Variants in TRPV5 observed in about 807,000 individuals in gnomAD.
TRPV5 encodes the protein transient receptor potential cation channel subfamily V member 5, also known as calcium transport protein 2.
TRPV5 carries 66 observed loss-of-function variants against 74.1 expected under a neutral mutation model. The ratio of observed to expected loss-of-function variants is 0.89; its 90% CI spans 0.73 to 1.09. The LOEUF (loss-of-function observed/expected upper bound fraction) is 1.09, where lower values mean the gene tolerates loss of function less well. Among genes scored for constraint, TRPV5 ranks in the 50% least tolerant of loss-of-function variants. The pLI is 0.00. For missense variants in TRPV5, 936 were observed against 930.4 expected (o/e 1.01, Z -0.08); for synonymous variants, 399 against 360.7 (o/e 1.11, Z -1.20).
rs1228152861 is a variant in TRPV5 at position 142,915,534 on chromosome 7, A to C, written c.1157T>G (p.Leu386Arg). ...AACGATGCTCACCAGCTCCCCCACCAGCCTGATGATATCTTCACGTGTCTC... is the reference window on the plus strand; with the variant it reads ...AACGATGCTCACCAGCTCCCCCACCCGCCTGATGATATCTTCACGTGTCTC... The part of the protein sequence containing the change: ...AYETREDIIR[L>R]VGELVSIVGA... The change falls in exon 9 of 15, where the codon CTG becomes CGG. Residue 386 changes from leucine (L) to arginine (R), a missense_variant. By Grantham distance (102) the Leu-to-Arg change is moderately radical (BLOSUM62 -2). Transcript: ENST00000265310. 1.9e-6 allele frequency: 3 copies of C among 1,614,188 alleles called. No homozygotes were observed. Among genetic ancestry groups the C allele is most frequent in the Non-Finnish European group, 1.7e-6 (2 of 1,180,026 alleles).
At position 142,908,496 on chromosome 7, in the gene TRPV5, G is replaced by C. The variant is rs930076493; in HGVS notation, c.*18C>G. 1.2e-6 allele frequency: 2 copies of C among 1,613,066 alleles called. No individual in the cohort carries two copies. The highest frequency in any genetic ancestry group is 1.1e-5 in the South Asian group (1 of 91,068). On this transcript the variant is annotated 3_prime_UTR_variant, in exon 15 of 15. Transcript: ENST00000265310. ...CCAGGCCAACCGGGAGTAAGGTCAAGAGTGATAGCGATGTTAATCAAAAAT... is the reference window on the plus strand; with the variant it reads ...CCAGGCCAACCGGGAGTAAGGTCAACAGTGATAGCGATGTTAATCAAAAAT...
At chr7:142,918,450 C>T (rs1036912140) in intron 8 of TRPV5, among the ~76,000 whole-genome samples, 1 of 152,228 alleles carries the variant, frequency 6.6e-6, no homozygotes, top group Non-Finnish European at 1.5e-5. Context: ...TACCCTACAT[C>T]TATTTCCGCT....
In TRPV5 at chr7:142,915,520, C is replaced by T; in HGVS notation, c.1171G>A (p.Val391Met). The change falls in exon 9 of 15, where the codon GTG becomes ATG. Residue 391 changes from valine to methionine, a missense_variant. Val to Met is a conservative substitution (Grantham distance 21, BLOSUM62 1). Coordinates refer to ENST00000265310, the MANE Select transcript of TRPV5 (RefSeq NM_019841.7). ...ATGATCACAGCCCCAACGATGCTCA[C>T]CAGCTCCCCCACCAGCCTGATGATA... The part of the protein sequence containing the change: ...EDIIRLVGEL[V>M]SIVGAVIILL... 6.2e-7 allele frequency: 1 copy of T among 1,614,148 alleles called. No individual in the cohort carries two copies. The highest frequency in any genetic ancestry group is 8.5e-7 in the Non-Finnish European group (1 of 1,180,022).
intron 8 of TRPV5, among the ~76,000 whole-genome samples, chr7:142,924,248 A>G (rs1315749079): frequency 2.2e-5 from 3 of 134,780 alleles, no homozygotes; most frequent in Non-Finnish European, 4.6e-5. Flanking sequence ...ATATATACAT[A>G]TACATGTATA....
At chr7:142,926,542 A>AGGGCAGGAAGCTGAAGGATCCCC (rs1795993154) in intron 7 of TRPV5, among the ~76,000 whole-genome samples, 1 of 152,186 alleles carries the variant, frequency 6.6e-6, no homozygotes, top group Non-Finnish European at 1.5e-5. Flanking sequence ...TCGGCAGTGT[A>AGGGCAGGAAGCTGAAGGATCCCC]GGGCAGGAAG....
rs915993725 is a variant in TRPV5 at position 142,908,220 on chromosome 7, T to C, written c.*294A>G. On this transcript the variant is annotated 3_prime_UTR_variant, in exon 15 of 15. Coordinates refer to ENST00000265310, the MANE Select transcript of TRPV5 (RefSeq NM_019841.7). The stretch of plus-strand genomic sequence containing the variant: ...GGGGCTGCGTGGGGCAGAAGAGAAA[T>C]GGTCCTGACATTAATCTAGCATCCC... The C allele has an allele frequency of 1.2e-5, 6 of 480,302 alleles. 1 individual carries two copies. Among genetic ancestry groups the C allele is most frequent in the African/African-American group, 1.2e-4 (6 of 51,856 alleles). 29.8% of individuals were successfully genotyped at this position (480,302 alleles called of 1,614,324 possible).
chr7:142,912,874 A>ATCTATCTATCTT, intron 12 of TRPV5, 124 bp from the exon 13 acceptor site: 1 of 1,101,022 alleles, frequency 9.1e-7, no homozygotes, highest in East Asian at 2.5e-5. Flanking sequence ...CTATCTATCT[A>ATCTATCTATCTT]TCTATCTAAA....
In TRPV5 at chr7:142,924,370, A is replaced by C. The variant is rs1339074658; in HGVS notation, c.1122+1159T>G. 6.6e-4 allele frequency among the ~76,000 whole-genome samples: 7 copies of C among 10,686 alleles called. 1 individual carries two copies. The highest frequency in any genetic ancestry group is 1.8e-3 in the Non-Finnish European group (5 of 2,766). The allele number at this position is 10,686 out of a possible 152,430, so 7.0% of individuals were successfully genotyped here. A position where few individuals can be genotyped will look rare whatever the true frequency, so the allele number is the denominator to read the frequency against. The stretch of plus-strand genomic sequence containing the variant: ...TATATATAGACATATACATGTATAT[A>C]TATACATATATATATATATATACAT... On this transcript the variant is annotated intron_variant, in intron 8 of 14. Transcript: ENST00000265310.
At chr7:142,927,576 G>A (rs1337383603) in intron 7 of TRPV5, among the ~76,000 whole-genome samples, 2 of 152,136 alleles carry the variant, frequency 1.3e-5, no homozygotes, top group African/African-American at 4.8e-5. Flanking sequence ...CATCCTACAT[G>A]GCCGGAGCAG....
At position 142,933,663 on chromosome 7, in the gene TRPV5, C is replaced by T; in HGVS notation, c.-204G>A. 1.6e-6 allele frequency: 1 copy of T among 637,766 alleles called. No individual in the cohort carries two copies. The highest frequency in any genetic ancestry group is 2.7e-6 in the Non-Finnish European group (1 of 373,290). The allele number at this position is 637,766 out of a possible 1,614,324, so 39.5% of individuals were successfully genotyped here. A position where few individuals can be genotyped will look rare whatever the true frequency, so the allele number is the denominator to read the frequency against. On this transcript the variant is annotated 5_prime_UTR_variant, in exon 1 of 15. It adds an upstream start codon to the 5' untranslated region. Transcript: ENST00000265310. ...GGGTTGTGGGGTGTGCGTGTATGCA[C>T]AGTGTGTGGCTGTGGTGTATGTGTG...
intron 7 of TRPV5, 27 bp downstream of exon 7, chr7:142,928,061 A>C: frequency 6.2e-7 from 1 of 1,613,918 alleles, no homozygotes; most frequent in Non-Finnish European, 8.5e-7. Context: ...CTCACATGAC[A>C]GGCCTGATCC....
chr7:142,916,315 A>G (rs1228193686), intron 8 of TRPV5, among the ~76,000 whole-genome samples: 1 of 152,206 alleles, frequency 6.6e-6, no homozygotes, highest in African/African-American at 2.4e-5. Flanking sequence ...GTATAGTCCA[A>G]GGGTCAAGGT....
Position 142,933,347 on chromosome 7 carries a change from A to G in TRPV5, c.113T>C (p.Met38Thr), listed in dbSNP as rs146373430. 10 of 1,613,838 alleles carry G rather than the reference A, an allele frequency of 6.2e-6. No homozygotes were observed. The African/African-American group carries it at 1.2e-4, about 19-fold the overall frequency. ...GGAAGCCTACCTCTTCTGCTGCAGC[A>G]TATGAAGCTTGTCCAGGTGCTGGTC... ...DWDQHLDKLH[M>T]LQQKRILESP... The change falls in exon 1 of 15, where the codon ATG becomes ACG. Residue 38 changes from methionine (M) to threonine (T), a missense_variant. Coordinates refer to ENST00000265310, the MANE Select transcript of TRPV5 (RefSeq NM_019841.7).
intron 12 of TRPV5, among the ~76,000 whole-genome samples, chr7:142,913,329 A>G (rs1260139427): frequency 6.6e-6 from 1 of 152,192 alleles, no homozygotes; most frequent in Non-Finnish European, 1.5e-5. Flanking sequence ...GAACTTCAGG[A>G]CAGCGCTGGA....
At chr7:142,929,965 C>T (rs1796056719) in intron 3 of TRPV5, 93 bp downstream of exon 3, 1 of 1,593,080 alleles carries the variant, frequency 6.3e-7, no homozygotes, top group Non-Finnish European at 8.5e-7. Flanking sequence ...CATCACCCCA[C>T]CCCAACCCAT....
At position 142,908,183 on chromosome 7, in the gene TRPV5, T is replaced by G; in HGVS notation, c.*331A>C. The G allele has an allele frequency of 2.8e-6, 1 of 362,632 alleles. No homozygotes were observed. The highest frequency in any genetic ancestry group is 5.0e-6 in the Non-Finnish European group (1 of 198,984). 22.5% of individuals were successfully genotyped at this position (362,632 alleles called of 1,614,324 possible). ...GGGGAGCCAGAAAAGCCTCACAGCT[T>G]ACTACTTTCTAGGGGCTGCGTGGGG... On this transcript the variant is annotated 3_prime_UTR_variant, in exon 15 of 15. Coordinates refer to ENST00000265310, the MANE Select transcript of TRPV5 (RefSeq NM_019841.7).
chr7:142,919,881 C>A (rs1477555181), intron 8 of TRPV5, among the ~76,000 whole-genome samples: 1 of 152,170 alleles, frequency 6.6e-6, no homozygotes, highest in Non-Finnish European at 1.5e-5. Context: ...GGCCCCAGAA[C>A]CAGTTGTCCA....
At chr7:142,924,165 A>G (rs982597733) in intron 8 of TRPV5, among the ~76,000 whole-genome samples, 4 of 150,488 alleles carry the variant, frequency 2.7e-5, no homozygotes, top group African/African-American at 9.8e-5. Context: ...TGTCCTCCCC[A>G]GGCAGCAAGA....
In TRPV5 at chr7:142,915,515, G is replaced by A. The variant is rs534057964; in HGVS notation, c.1176C>T (p.Ser392=). 6.2e-7 allele frequency: 1 copy of A among 1,614,110 alleles called. No individual in the cohort carries two copies. The highest frequency in any genetic ancestry group is 1.3e-5 in the African/African-American group (1 of 75,014). The change falls in exon 9 of 15, where the codon AGC becomes AGT. Residue 392 remains serine, a synonymous_variant. Transcript: ENST00000265310. ...DIIRLVGELV[S]IVGAVIILLL... ...GCAGGATGATCACAGCCCCAACGAT[G>A]CTCACCAGCTCCCCCACCAGCCTGA...
Sources: gnomAD v4.1 joint callset for allele counts (sites outside exome capture counted in the v4.1 genomes callset) on GRCh38, gnomAD v4.1.1 for gene constraint, MANE v1.5 for transcripts, NCBI Gene and HGNC (gene_info 2026-07-23, HGNC 2026-07-21) for gene names.